Variants in CTNNA3 observed in about 807,000 individuals in gnomAD.
CTNNA3 encodes catenin alpha-3.
In CTNNA3, 76 loss-of-function variants were observed where a neutral mutation model predicts 95.7. The observed-to-expected ratio is 0.79, with a 90% CI of 0.66 to 0.96. The LOEUF (loss-of-function observed/expected upper bound fraction) is 0.96, where lower values mean the gene tolerates loss of function less well. CTNNA3 is among the 40% of genes least tolerant of loss of function. CTNNA3 has a pLI of 0.00. For missense variants in CTNNA3, 1,191 were observed against 1,089.8 expected, an observed-to-expected ratio of 1.09 and a Z score of -1.31; for synonymous variants, 431 against 374.4, an observed-to-expected ratio of 1.15 and a Z score of -1.74.
At chr10:66,063,592 A>C (rs1209999720) in intron 15 of CTNNA3, among the ~76,000 whole-genome samples, 3 of 151,842 alleles carry the variant, frequency 2.0e-5, no homozygotes, top group Non-Finnish European at 2.9e-5. Flanking sequence ...ACAGATTTTT[A>C]AATAATTTTA....
At chr10:67,750,322 G>A in intron 1 of CTNNA3, 1 of 1,525,726 alleles carries the variant, frequency 6.6e-7, no homozygotes, top group Non-Finnish European at 9.1e-7. Context: ...AAGCCAAGAT[G>A]CCCATTGTGG....
At chr10:67,448,255 A>G (rs1846828905) in intron 5 of CTNNA3, among the ~76,000 whole-genome samples, 1 of 152,204 alleles carries the variant, frequency 6.6e-6, no homozygotes, top group Admixed American at 6.5e-5. Context: ...ATATGAATAA[A>G]TGTTCCTGTG....
intron 9 of CTNNA3, among the ~76,000 whole-genome samples, chr10:66,704,433 G>A (rs1410653264): frequency 6.6e-6 from 1 of 152,132 alleles, no homozygotes; most frequent in Non-Finnish European, 1.5e-5. Flanking sequence ...CCATAGAGCA[G>A]ATAATAAGAA....
intron 7 of CTNNA3, among the ~76,000 whole-genome samples, chr10:67,019,784 G>A (rs977826007): frequency 3.3e-5 from 5 of 152,030 alleles, no homozygotes; most frequent in African/African-American, 1.2e-4. Flanking sequence ...TGTCCTATTT[G>A]ACTTTTGATG....
intron 2 of CTNNA3, among the ~76,000 whole-genome samples, chr10:67,638,067 G>A (rs1355017287): frequency 6.6e-6 from 1 of 152,136 alleles, no homozygotes; most frequent in Non-Finnish European, 1.5e-5. Flanking sequence ...ACACAGACTG[G>A]CAAATTGGAT....
intron 11 of CTNNA3, among the ~76,000 whole-genome samples, chr10:66,445,373 T>G (rs1021557335): frequency 6.6e-6 from 1 of 152,026 alleles, no homozygotes; most frequent in Non-Finnish European, 1.5e-5. Flanking sequence ...ATATACATTT[T>G]TTTTCAGCAC....
chr10:66,687,045 A>G (rs1196075451), intron 9 of CTNNA3, among the ~76,000 whole-genome samples: 1 of 152,190 alleles, frequency 6.6e-6, no homozygotes, highest in African/African-American at 2.4e-5. Context: ...GACATACTTT[A>G]TACTTAATAG....
At chr10:66,776,522 C>A (rs2132825611) in intron 7 of CTNNA3, among the ~76,000 whole-genome samples, 1 of 152,200 alleles carries the variant, frequency 6.6e-6, no homozygotes, top group East Asian at 1.9e-4. Flanking sequence ...CAGTGGACTC[C>A]CTAACAAGAA....
chr10:66,769,676 G>A (rs1211417030), intron 8 of CTNNA3, among the ~76,000 whole-genome samples: 1 of 152,154 alleles, frequency 6.6e-6, no homozygotes, highest in Non-Finnish European at 1.5e-5. Flanking sequence ...CTGCCTGGAA[G>A]TTCTTCAGCG....
At chr10:66,225,390 A>AATATATAT (rs3053735) in intron 13 of CTNNA3, among the ~76,000 whole-genome samples, 2,739 of 125,786 alleles carry the variant, frequency 0.022, 53 homozygotes, top group African/African-American at 0.042. Flanking sequence ...ATTTTATTCA[A>AATATATAT]ATATATATAT....
intron 9 of CTNNA3, among the ~76,000 whole-genome samples, chr10:66,672,846 C>A (rs1228894609): frequency 1.3e-5 from 2 of 151,972 alleles, no homozygotes; most frequent in Admixed American, 6.6e-5. Flanking sequence ...CAGTTTAGAT[C>A]CAAAAAGCTC....
At chr10:66,499,028 G>A (rs1840190745) in intron 11 of CTNNA3, among the ~76,000 whole-genome samples, 1 of 152,118 alleles carries the variant, frequency 6.6e-6, no homozygotes, top group African/African-American at 2.4e-5. Context: ...GTAAAGCACT[G>A]CAATGAAGTA....
intron 5 of CTNNA3, among the ~76,000 whole-genome samples, chr10:67,376,170 C>T (rs932511253): frequency 7.2e-5 from 11 of 152,170 alleles, no homozygotes; most frequent in Admixed American, 3.9e-4. Flanking sequence ...ACCAAATGGA[C>T]TAAGACAGGG....
At chr10:66,133,235 C>G (rs894947884) in intron 13 of CTNNA3, among the ~76,000 whole-genome samples, 18 of 152,226 alleles carry the variant, frequency 1.2e-4, no homozygotes, top group African/African-American at 4.3e-4. Context: ...AAATATCTAG[C>G]CATGTGCAGT....
intron 5 of CTNNA3, among the ~76,000 whole-genome samples, chr10:67,362,957 C>A (rs11516605): frequency 0.024 from 3,691 of 152,036 alleles, 83 homozygotes; most frequent in Non-Finnish European, 0.04. Context: ...TTTCTATACA[C>A]CAATAACACT....
At chr10:66,463,608 A>G (rs1268506201) in intron 11 of CTNNA3, among the ~76,000 whole-genome samples, 2 of 152,172 alleles carry the variant, frequency 1.3e-5, no homozygotes, top group Admixed American at 6.5e-5. Flanking sequence ...CATAGAAATT[A>G]CCAGAAAAAC....
chr10:67,102,962 A>G (rs887559818), intron 7 of CTNNA3, among the ~76,000 whole-genome samples: 1 of 151,796 alleles, frequency 6.6e-6, no homozygotes, highest in African/African-American at 2.4e-5. Flanking sequence ...ATGGATGGAT[A>G]AATTTGACAA....
intron 10 of CTNNA3, among the ~76,000 whole-genome samples, chr10:66,536,073 TAGAG>T (rs1019641188): frequency 1.4e-4 from 21 of 151,348 alleles, no homozygotes; most frequent in Non-Finnish European, 2.7e-4. Context: ...GTCATTGACA[TAGAG>T]AGCTATAGAT....
In CTNNA3 at chr10:67,641,164, A is replaced by G. The variant is rs1382459555; in HGVS notation, c.99+6251T>C. Among the ~76,000 whole-genome samples the G allele has an allele frequency of 2.0e-5, 3 of 152,200 alleles. No homozygotes were observed. In the East Asian group the frequency reaches 5.8e-4, roughly 29 times the overall value. On this transcript the variant is annotated intron_variant, in intron 2 of 17. Transcript: ENST00000433211. ...GAACTCCAACAAATTTACAAGAAAA[A>G]AAACAAACAACCCCATCAAAAAGTG...
Sources: allele counts gnomAD v4.1 joint callset (sites outside exome capture counted in the v4.1 genomes callset), GRCh38; gene constraint gnomAD v4.1.1; transcripts MANE v1.5; gene names NCBI Gene and HGNC (gene_info 2026-07-23, HGNC 2026-07-21).